AHCYL2: variants seen among roughly 807,000 people sequenced by gnomAD.
AHCYL2 encodes adenosylhomocysteinase like 2.
AHCYL2 carries 28 observed loss-of-function variants against 81.4 expected under a neutral mutation model. The ratio of observed to expected loss-of-function variants is 0.34; its 90% CI spans 0.25 to 0.47. AHCYL2 has a LOEUF of 0.47. AHCYL2 is among the 20% of genes least tolerant of loss of function. The pLI is 1.00. For missense variants in AHCYL2, 551 were observed against 785.1 expected, an observed-to-expected ratio of 0.70 and a Z score of 3.56; for synonymous variants, 272 against 290.2, an observed-to-expected ratio of 0.94 and a Z score of 0.64.
intron 1 of AHCYL2, among the ~76,000 whole-genome samples, chr7:129,326,107 GA>G (rs1319960906): frequency 6.6e-6 from 1 of 152,110 alleles, no homozygotes; most frequent in Non-Finnish European, 1.5e-5. Flanking sequence ...ATAATAGTGT[GA>G]TGAACATTTG....
chr7:129,397,189 G>A (rs1795785147), intron 4 of AHCYL2, 33 bp from the exon 5 acceptor site: 4 of 1,583,616 alleles, frequency 2.5e-6, no homozygotes, highest in East Asian at 4.5e-5. Context: ...TTTGGCCCAG[G>A]CTTGCTCATA....
At chr7:129,274,160 TC>T (rs1377508241) in intron 1 of AHCYL2, among the ~76,000 whole-genome samples, 4 of 152,188 alleles carry the variant, frequency 2.6e-5, no homozygotes, top group Non-Finnish European at 4.4e-5. Flanking sequence ...TCCTGTTCCT[TC>T]TCCCTTTTTC....
At chr7:129,317,407 G>A (rs1797860438) in intron 1 of AHCYL2, among the ~76,000 whole-genome samples, 1 of 152,178 alleles carries the variant, frequency 6.6e-6, no homozygotes, top group African/African-American at 2.4e-5. Context: ...ACAATCAATT[G>A]GGAGGGAGCC....
At chr7:129,298,148 T>A (rs141983314) in intron 1 of AHCYL2, among the ~76,000 whole-genome samples, 1 of 152,200 alleles carries the variant, frequency 6.6e-6, no homozygotes, top group East Asian at 1.9e-4. Flanking sequence ...TCTAACCTCA[T>A]TGAGAGAAAA....
rs972568 is a variant in AHCYL2, at chr7:129,384,644, C to T, written c.476-4412C>T. Among the ~76,000 whole-genome samples, 1,191 of 152,310 alleles carry T rather than the reference C, an allele frequency of 7.8e-3. 21 individuals are homozygous for T. The highest frequency in any genetic ancestry group is 0.027 in the African/African-American group (1,134 of 41,564). On this transcript the variant is annotated intron_variant, in intron 2 of 16. Transcript: ENST00000325006. Reference sequence around the variant, plus strand: ...CAGAGGCTTACATAGGCTCTAGCCTCGTCTCCCTTCCTAAGGCTCCTAGTA... The same window carrying T: ...CAGAGGCTTACATAGGCTCTAGCCTTGTCTCCCTTCCTAAGGCTCCTAGTA...
At chr7:129,293,434 G>C (rs1010065442) in intron 1 of AHCYL2, among the ~76,000 whole-genome samples, 2 of 152,128 alleles carry the variant, frequency 1.3e-5, no homozygotes. Context: ...GGCTGGACGC[G>C]GGAGGCCAAG....
At chr7:129,378,344 G>C (rs1044476409) in intron 1 of AHCYL2, among the ~76,000 whole-genome samples, 4 of 152,064 alleles carry the variant, frequency 2.6e-5, no homozygotes, top group African/African-American at 9.7e-5. Flanking sequence ...ACTAGTACTG[G>C]AAAGCTAACT....
In AHCYL2 at chr7:129,400,440, G is replaced by C; in HGVS notation, c.918+56G>C. 29 of 1,532,510 alleles carry C rather than the reference G, an allele frequency of 1.9e-5. No homozygotes were observed. The South Asian group carries it at 2.9e-4, about 15-fold the overall frequency. 94.9% of individuals were successfully genotyped at this position (1,532,510 alleles called of 1,614,324 possible). A position where few individuals can be genotyped will look rare whatever the true frequency, so the allele number is the denominator to read the frequency against. On this transcript the variant is annotated intron_variant, in intron 6 of 16. Transcript: ENST00000325006. ...TAGGGGTCAGGAATGGGGATGGGTGGAGGTTATGGCCTAGGAGAGGGTTTC... is the reference window on the plus strand; with the variant it reads ...TAGGGGTCAGGAATGGGGATGGGTGCAGGTTATGGCCTAGGAGAGGGTTTC...
intron 1 of AHCYL2, among the ~76,000 whole-genome samples, chr7:129,353,567 A>AT (rs1391893267): frequency 6.6e-6 from 1 of 150,718 alleles, no homozygotes; most frequent in Admixed American, 6.6e-5. Context: ...TATTTACTTA[A>AT]TTTTTTATCC....
At chr7:129,288,285 C>T (rs571546633) in intron 1 of AHCYL2, among the ~76,000 whole-genome samples, 3 of 152,230 alleles carry the variant, frequency 2.0e-5, no homozygotes, top group Admixed American at 2.0e-4. Context: ...TTGCTGATTA[C>T]ATCTCTGTGG....
In AHCYL2 at chr7:129,403,499, T is replaced by C; in HGVS notation, c.1025+14T>C. 6.5e-7 allele frequency: 1 copy of C among 1,537,858 alleles called. No individual in the cohort carries two copies. Among genetic ancestry groups the C allele is most frequent in the Non-Finnish European group, 8.9e-7 (1 of 1,121,494 alleles). Reference sequence around the variant, plus strand: ...TGGAGTTCACAGGTAAGATTTGACATGGGCATACCTGGTTTTATGCAGTCT... The same window carrying C: ...TGGAGTTCACAGGTAAGATTTGACACGGGCATACCTGGTTTTATGCAGTCT... On this transcript the variant is annotated intron_variant, in intron 7 of 16. Transcript: ENST00000325006.
At chr7:129,225,740 A>G (rs1045809891) in intron 1 of AHCYL2, among the ~76,000 whole-genome samples, 1 of 152,082 alleles carries the variant, frequency 6.6e-6, no homozygotes, top group Non-Finnish European at 1.5e-5. Context: ...CGCGGCCCCA[A>G]CACGCTCCCG....
chr7:129,283,565 GA>G (rs1002486697), intron 1 of AHCYL2: 1 of 338,038 alleles, frequency 3.0e-6, no homozygotes, highest in Admixed American at 3.8e-5. Context: ...GGTACTGACA[GA>G]AATTTTCTAG....
intron 1 of AHCYL2, among the ~76,000 whole-genome samples, chr7:129,248,148 T>C (rs1016037466): frequency 2.0e-5 from 3 of 152,208 alleles, no homozygotes; most frequent in Non-Finnish European, 2.9e-5. Context: ...AAATCAGCTG[T>C]CTGCAGATGT....
chr7:129,421,297 T>A (rs1385565163), intron 12 of AHCYL2, among the ~76,000 whole-genome samples: 1 of 151,890 alleles, frequency 6.6e-6, no homozygotes, highest in Non-Finnish European at 1.5e-5. Context: ...TTAACACATA[T>A]ATGTCTGTCT....
In AHCYL2 at chr7:129,380,681, T is replaced by A. The variant is rs1348434735; in HGVS notation, c.475+932T>A. 2.6e-5 allele frequency among the ~76,000 whole-genome samples: 4 copies of A among 152,320 alleles called. No individual in the cohort carries two copies. The East Asian group carries it at 7.7e-4, about 29-fold the overall frequency. ...GTAACAGTGAATGATGTAAAGCATA[T>A]GATATCACTTCCTATGGATTTTTAT... is the stretch of plus-strand genomic sequence containing the variant. On this transcript the variant is annotated intron_variant, in intron 2 of 16. Coordinates refer to ENST00000325006, the MANE Select transcript of AHCYL2 (RefSeq NM_015328.4).
At chr7:129,299,187 C>T (rs1210153867) in intron 1 of AHCYL2, among the ~76,000 whole-genome samples, 1 of 149,876 alleles carries the variant, frequency 6.7e-6, no homozygotes, top group Non-Finnish European at 1.5e-5. Flanking sequence ...AACTATGGGG[C>T]ATGGTAGTCC....
intron 1 of AHCYL2, among the ~76,000 whole-genome samples, chr7:129,292,934 G>C (rs1478001448): frequency 2.0e-5 from 3 of 152,138 alleles, no homozygotes; most frequent in Non-Finnish European, 4.4e-5. Context: ...GGGAATGATA[G>C]TAAGAGGAGT....
chr7:129,424,537 C>T (rs1235990222), intron 13 of AHCYL2, among the ~76,000 whole-genome samples: 1 of 152,114 alleles, frequency 6.6e-6, no homozygotes, highest in Non-Finnish European at 1.5e-5. Flanking sequence ...AAAGAAATGC[C>T]GATCCTCAGA....
Sources: gnomAD v4.1 joint callset for allele counts (sites outside exome capture counted in the v4.1 genomes callset) on GRCh38, gnomAD v4.1.1 for gene constraint, MANE v1.5 for transcripts, NCBI Gene and HGNC (gene_info 2026-07-23, HGNC 2026-07-21) for gene names.